The following SGCG variants were observed in gnomAD, a reference collection of about 807,000 sequenced individuals.
SGCG encodes gamma-sarcoglycan.
A neutral mutation model predicts 29.3 loss-of-function variants in SGCG; 26 were observed. The ratio of observed to expected loss-of-function variants is 0.89; its 90% CI spans 0.65 to 1.23. The LOEUF is 1.23. SGCG is among the 50% of genes most tolerant of loss of function. SGCG has a pLI of 0.00. For missense variants in SGCG, 353 were observed against 356.0 expected (o/e 0.99, Z 0.07); for synonymous variants, 145 against 129.7 (o/e 1.12, Z -0.80).
In SGCG at chr13:23,299,453, TA is replaced by T. The variant is rs57713960; in HGVS notation, c.578+3967del. Among the ~76,000 whole-genome samples, 13 of 50,808 alleles carry T rather than the reference TA, an allele frequency of 2.6e-4. 1 individual carries two copies. Among genetic ancestry groups the T allele is most frequent in the African/African-American group, 5.8e-4 (9 of 15,582 alleles). The allele number at this position is 50,808 out of a possible 152,430, so 33.3% of individuals were successfully genotyped here. ...ATATATATATATATATATATATATA[TA>T]TATTTTTTTTTTTTTTTTAGTCGGA... is the stretch of plus-strand genomic sequence containing the variant. On this transcript the variant is annotated intron_variant, in intron 6 of 7. Transcript: ENST00000218867.
At chr13:23,281,257 C>A (rs1881294888) in intron 5 of SGCG, among the ~76,000 whole-genome samples, 1 of 151,920 alleles carries the variant, frequency 6.6e-6, no homozygotes, top group East Asian at 1.9e-4. Context: ...GGAGGATCAC[C>A]TGAGCCTGGG....
At chr13:23,317,840 G>A (rs940033968) in intron 6 of SGCG, among the ~76,000 whole-genome samples, 8 of 152,116 alleles carry the variant, frequency 5.3e-5, no homozygotes, top group African/African-American at 1.9e-4. Context: ...GTGTCAACTC[G>A]ATTGGATTAA....
At chr13:23,296,506 G>A (rs996648643) in intron 6 of SGCG, among the ~76,000 whole-genome samples, 1 of 152,022 alleles carries the variant, frequency 6.6e-6, no homozygotes, top group African/African-American at 2.4e-5. Context: ...ATTACTTCGT[G>A]GTCATTACCA....
intron 4 of SGCG, among the ~76,000 whole-genome samples, chr13:23,275,754 G>A (rs1881046987): frequency 6.6e-6 from 1 of 152,182 alleles, no homozygotes; most frequent in African/African-American, 2.4e-5. Flanking sequence ...TGCCACAAAA[G>A]TAGTAGAGCT....
chr13:23,286,573 A>G (rs898145750), intron 5 of SGCG, among the ~76,000 whole-genome samples: 1 of 152,244 alleles, frequency 6.6e-6, no homozygotes, highest in Non-Finnish European at 1.5e-5. Flanking sequence ...CAAGCTGCAG[A>G]TAGTACTAAA....
intron 4 of SGCG, among the ~76,000 whole-genome samples, chr13:23,269,838 G>GTTTT: frequency 8.0e-6 from 1 of 124,816 alleles, no homozygotes; most frequent in East Asian, 2.4e-4. Flanking sequence ...TATGTATTTT[G>GTTTT]TTTTTTTTTT....
At chr13:23,238,351 CA>C (rs1295719292) in intron 3 of SGCG, among the ~76,000 whole-genome samples, 1 of 152,148 alleles carries the variant, frequency 6.6e-6, no homozygotes, top group Non-Finnish European at 1.5e-5. Flanking sequence ...CCACCCCCAC[CA>C]AGTCTATGGA....
At chr13:23,191,433 C>A (rs763173358) in intron 1 of SGCG, among the ~76,000 whole-genome samples, 35 of 152,282 alleles carry the variant, frequency 2.3e-4, no homozygotes, top group Non-Finnish European at 4.7e-4. Flanking sequence ...AACATGACTC[C>A]ATGGACCACT....
intron 4 of SGCG, among the ~76,000 whole-genome samples, chr13:23,254,186 AGAT>A (rs1880090376): frequency 6.6e-6 from 1 of 152,198 alleles, no homozygotes; most frequent in South Asian, 2.1e-4. Flanking sequence ...TCAGACAGGA[AGAT>A]GACAGAAAGT....
intron 2 of SGCG, among the ~76,000 whole-genome samples, chr13:23,223,602 T>C (rs1484754273): frequency 6.6e-6 from 1 of 152,130 alleles, no homozygotes; most frequent in African/African-American, 2.4e-5. Flanking sequence ...AACATAGAAA[T>C]TTCCATTTTT....
intron 4 of SGCG, among the ~76,000 whole-genome samples, chr13:23,265,080 TA>T (rs1375174709): frequency 6.6e-6 from 1 of 151,914 alleles, no homozygotes; most frequent in African/African-American, 2.4e-5. Flanking sequence ...CTAATTAAAC[TA>T]AAAAACTTCT....
chr13:23,290,610 G>A (rs1881667752), intron 5 of SGCG, among the ~76,000 whole-genome samples: 1 of 152,144 alleles, frequency 6.6e-6, no homozygotes, highest in South Asian at 2.1e-4. Flanking sequence ...TAGGACGGGA[G>A]GCAGTAGAGG....
intron 6 of SGCG, among the ~76,000 whole-genome samples, chr13:23,308,492 G>C (rs1166276396): frequency 6.6e-6 from 1 of 151,950 alleles, no homozygotes; most frequent in African/African-American, 2.4e-5. Context: ...AATGCATCTG[G>C]TACCTGCTAG....
At chr13:23,250,025 AATTT>A (rs1422713981) in intron 3 of SGCG, among the ~76,000 whole-genome samples, 1 of 152,160 alleles carries the variant, frequency 6.6e-6, no homozygotes, top group Non-Finnish European at 1.5e-5. Flanking sequence ...TGTGCTTTGA[AATTT>A]ATTTTTCTTT....
At chr13:23,245,329 C>T (rs1328121165) in intron 3 of SGCG, 1 of 152,076 alleles carries the variant, frequency 6.6e-6, no homozygotes, top group Non-Finnish European at 1.5e-5. Flanking sequence ...CAAAATGAAA[C>T]TGAGGAACCA....
intron 4 of SGCG, among the ~76,000 whole-genome samples, chr13:23,252,396 A>G (rs1880001423): frequency 6.6e-6 from 1 of 152,182 alleles, no homozygotes; most frequent in Non-Finnish European, 1.5e-5. Flanking sequence ...ATATTCCTAT[A>G]AAAATTAATT....
At chr13:23,277,660 A>C (rs9510661) in intron 4 of SGCG, among the ~76,000 whole-genome samples, 15,959 of 151,786 alleles carry the variant, frequency 0.11, 997 homozygotes, top group African/African-American at 0.16. Context: ...GACACACACA[A>C]AAAAAATTAT....
intron 4 of SGCG, among the ~76,000 whole-genome samples, chr13:23,257,283 T>C (rs1880229880): frequency 6.6e-6 from 1 of 152,130 alleles, no homozygotes; most frequent in African/African-American, 2.4e-5. Flanking sequence ...TTATATACTT[T>C]AATTTCTAGG....
chr13:23,166,627 T>C, the SGCG span, among the ~76,000 whole-genome samples: 2 of 152,240 alleles, frequency 1.3e-5, no homozygotes, highest in African/African-American at 2.4e-5. Flanking sequence ...TTCAGTTTTT[T>C]ACTTGTGGTT....
Sources: gnomAD v4.1 joint callset for allele counts (sites outside exome capture counted in the v4.1 genomes callset) on GRCh38, gnomAD v4.1.1 for gene constraint, MANE v1.5 for transcripts, NCBI Gene and HGNC (gene_info 2026-07-23, HGNC 2026-07-21) for gene names.